The following NTRK2 variants were observed in gnomAD, a reference collection of about 807,000 sequenced individuals.
NTRK2 encodes the protein BDNF/NT-3 growth factors receptor.
Under a neutral mutation model 94.5 loss-of-function variants are expected in NTRK2, and 13 were observed. That is an observed-to-expected ratio of 0.14 (90% CI 0.09 to 0.22). The LOEUF (loss-of-function observed/expected upper bound fraction) is 0.22. Among genes scored for constraint, NTRK2 ranks in the 10% least tolerant of loss-of-function variants. The pLI is 1.00. For missense variants in NTRK2, 639 were observed against 1,071.2 expected (o/e 0.60, Z 5.63); for synonymous variants, 372 against 407.4 (o/e 0.91, Z 1.05).
Position 84,873,791 on chromosome 9 carries a change from G to A in NTRK2, c.1633+6360G>A, listed in dbSNP as rs2075962137. ...AATATTATTCTTTGTTATCAAAAGA[G>A]AAATATCACCCAAGTATAGTATACT... On this transcript the variant is annotated intron_variant, in intron 14 of 18. Transcript: ENST00000277120. 5 of 1,056,622 alleles carry A rather than the reference G, an allele frequency of 4.7e-6. No individual in the cohort carries two copies. In the African/African-American group the frequency reaches 8.2e-5, roughly 17 times the overall value. 65.5% of individuals were successfully genotyped at this position (1,056,622 alleles called of 1,614,324 possible).
At chr9:84,699,321 G>A (rs891338970) in intron 2 of NTRK2, among the ~76,000 whole-genome samples, 9 of 152,122 alleles carry the variant, frequency 5.9e-5, no homozygotes, top group Admixed American at 2.0e-4. Context: ...CAGGCGTGAG[G>A]CACTGCTCCT....
intron 17 of NTRK2, among the ~76,000 whole-genome samples, chr9:84,985,397 C>T (rs2133265344): frequency 6.6e-6 from 1 of 152,274 alleles, no homozygotes; most frequent in South Asian, 2.1e-4. Flanking sequence ...CCAAAAGTTC[C>T]ACTGTCAAGG....
intron 12 of NTRK2, among the ~76,000 whole-genome samples, chr9:84,776,581 G>T (rs1400099651): frequency 6.6e-6 from 1 of 152,150 alleles, no homozygotes; most frequent in African/African-American, 2.4e-5. Context: ...CTACTTTCAA[G>T]CTAACAAGTT....
intron 6 of NTRK2, among the ~76,000 whole-genome samples, chr9:84,717,432 G>A (rs777159937): frequency 1.3e-5 from 2 of 152,160 alleles, no homozygotes; most frequent in African/African-American, 2.4e-5. Context: ...AGTCAATTTG[G>A]TCAACTCTCA....
At chr9:84,691,138 A>G (rs1438142840) in intron 2 of NTRK2, among the ~76,000 whole-genome samples, 1 of 152,224 alleles carries the variant, frequency 6.6e-6, no homozygotes, top group African/African-American at 2.4e-5. Flanking sequence ...CATTATTAGG[A>G]AGGAGAATGC....
chr9:85,020,287 G>A lies in NTRK2; in HGVS notation c.2254G>A (p.Val752Ile), dbSNP rs1170229422. ...MYRKFTTESD[V>I]WSLGVVLWEI... Reference sequence around the variant, plus strand: ...CAGGAAATTCACGACGGAAAGCGACGTCTGGAGCCTGGGGGTCGTGTTGTG... The same window carrying A: ...CAGGAAATTCACGACGGAAAGCGACATCTGGAGCCTGGGGGTCGTGTTGTG... The change falls in exon 18 of 19, where the codon GTC becomes ATC. Residue 752 changes from valine (V) to isoleucine (I), a missense_variant. By Grantham distance (29) the Val-to-Ile change is conservative. Transcript: ENST00000277120. 6 of 1,614,126 alleles carry A rather than the reference G, an allele frequency of 3.7e-6. No individual in the cohort carries two copies. The highest frequency in any genetic ancestry group is 2.2e-5 in the South Asian group (2 of 91,074).
intron 14 of NTRK2, among the ~76,000 whole-genome samples, chr9:84,898,870 T>G (rs1178777987): frequency 6.6e-6 from 1 of 152,074 alleles, no homozygotes; most frequent in Admixed American, 6.6e-5. Flanking sequence ...GCCCGGCTAG[T>G]TTTGTATTTT....
chr9:84,863,765 A>C (rs1023368486), intron 13 of NTRK2, among the ~76,000 whole-genome samples: 1 of 152,256 alleles, frequency 6.6e-6, no homozygotes, highest in African/African-American at 2.4e-5. Flanking sequence ...AGAAAACAGC[A>C]CTTGAATTAA....
chr9:84,914,584 G>A (rs933870243), intron 14 of NTRK2, among the ~76,000 whole-genome samples: 5 of 152,234 alleles, frequency 3.3e-5, no homozygotes, highest in African/African-American at 1.2e-4. Flanking sequence ...TGAGAGGGCA[G>A]TCTCCTTGTT....
At chr9:84,795,044 C>T (rs1239719196) in intron 12 of NTRK2, among the ~76,000 whole-genome samples, 1 of 152,166 alleles carries the variant, frequency 6.6e-6, no homozygotes, top group Non-Finnish European at 1.5e-5. Flanking sequence ...GAGCTCTCAG[C>T]TCTGTCCACG....
intron 4 of NTRK2, among the ~76,000 whole-genome samples, chr9:84,706,437 C>A (rs2061066332): frequency 6.6e-6 from 1 of 151,774 alleles, no homozygotes; most frequent in African/African-American, 2.4e-5. Flanking sequence ...TCAGTGATGA[C>A]TTCCTTGGGC....
intron 12 of NTRK2, among the ~76,000 whole-genome samples, chr9:84,752,417 A>T (rs1340338010): frequency 6.6e-6 from 1 of 152,194 alleles, no homozygotes; most frequent in Non-Finnish European, 1.5e-5. Flanking sequence ...GGATAGGATA[A>T]CCTGGACACA....
intron 14 of NTRK2, among the ~76,000 whole-genome samples, chr9:84,912,611 CTTTTTTTTTTT>C (rs1212242779): frequency 1.0e-5 from 1 of 95,244 alleles, no homozygotes; most frequent in Non-Finnish European, 2.0e-5. Flanking sequence ...TTTGACTTGC[CTTTTTTTTTTT>C]TTTTTTTTTT....
intron 17 of NTRK2, among the ~76,000 whole-genome samples, chr9:84,977,397 A>G (rs1226531581): frequency 6.6e-6 from 1 of 152,214 alleles, no homozygotes; most frequent in East Asian, 1.9e-4. Context: ...AAAATGCAAA[A>G]AAACATGGTT....
intron 14 of NTRK2, among the ~76,000 whole-genome samples, chr9:84,879,964 C>G (rs1181560595): frequency 6.6e-6 from 1 of 152,192 alleles, no homozygotes; most frequent in Admixed American, 6.5e-5. Flanking sequence ...GATGTTTTCT[C>G]TCTCAGTAGT....
intron 12 of NTRK2, among the ~76,000 whole-genome samples, chr9:84,782,223 G>C (rs892091486): frequency 6.6e-6 from 1 of 152,180 alleles, no homozygotes; most frequent in Non-Finnish European, 1.5e-5. Context: ...CCAGGCATGT[G>C]AGCTTGCCAG....
chr9:84,998,073 C>T (rs572297173), intron 17 of NTRK2, among the ~76,000 whole-genome samples: 205 of 152,314 alleles, frequency 1.3e-3, no homozygotes, highest in Non-Finnish European at 2.7e-3. Context: ...CAGACAGACT[C>T]CTCTGAAGCC....
At chr9:84,891,042 C>T (rs562470678) in intron 14 of NTRK2, among the ~76,000 whole-genome samples, 16 of 152,242 alleles carry the variant, frequency 1.1e-4, no homozygotes, top group African/African-American at 3.9e-4. Flanking sequence ...TCCCATAGTC[C>T]CATGTGTCAA....
intron 11 of NTRK2, 108 bp downstream of exon 11, chr9:84,745,181 T>C (rs2063957818): frequency 5.7e-6 from 4 of 699,468 alleles, no homozygotes; most frequent in African/African-American, 5.9e-5. Flanking sequence ...CAGATATAAA[T>C]AGGGTGTTAA....
Sources: allele counts gnomAD v4.1 joint callset (sites outside exome capture counted in the v4.1 genomes callset), GRCh38; gene constraint gnomAD v4.1.1; transcripts MANE v1.5; gene names NCBI Gene and HGNC (gene_info 2026-07-23, HGNC 2026-07-21).